The following LPA variants were observed in gnomAD, a reference collection of about 807,000 sequenced individuals.
LPA encodes lipoprotein(a), also known as apolipoprotein(a).
Under a neutral mutation model 197.9 loss-of-function variants are expected in LPA, and 199 were observed. The observed-to-expected ratio is 1.01, with a 90% CI of 0.90 to 1.13. The LOEUF (loss-of-function observed/expected upper bound fraction) is 1.13. LPA is among the 50% of genes most tolerant of loss of function. The pLI, the probability that LPA is intolerant of heterozygous loss-of-function variation, is 0.00. For synonymous variants in LPA, 715 were observed against 639.5 expected (o/e 1.12, Z -1.78); for missense variants, 1,853 against 1,785.8 (o/e 1.04, Z -0.68).
intron 37 of LPA, among the ~76,000 whole-genome samples, chr6:160,536,553 G>A (rs113757744): frequency 3.2e-4 from 49 of 152,262 alleles, no homozygotes; most frequent in African/African-American, 1.2e-3. Context: ...AGGAGCCAGG[G>A]TTCCAATTCA....
intron 20 of LPA, among the ~76,000 whole-genome samples, chr6:160,598,048 A>C (rs1286956651): frequency 6.6e-6 from 1 of 152,162 alleles, no homozygotes; most frequent in Admixed American, 6.5e-5. Flanking sequence ...TCTACTCATA[A>C]AGTCTGACTT....
At chr6:160,578,423 T>C in intron 27 of LPA, 100 bp downstream of exon 27, 2 of 1,483,496 alleles carry the variant, frequency 1.3e-6, no homozygotes, top group South Asian at 2.3e-5. Flanking sequence ...TTGCAGACCC[T>C]CAACCAACCC....
chr6:160,555,882 CA>C lies in LPA; in HGVS notation c.4973+142del, dbSNP rs760230920. Reference sequence around the variant, plus strand: ...TACCTATTCTCTCAGACTCTTTGATCAAAAGCAAAGTTGTCTGGACATTTTG... The same window carrying C: ...TACCTATTCTCTCAGACTCTTTGATCAAAGCAAAGTTGTCTGGACATTTTG... On this transcript the variant is annotated intron_variant, in intron 30 of 38. Coordinates refer to ENST00000316300, the MANE Select transcript of LPA (RefSeq NM_005577.4). The C allele has an allele frequency of 5.2e-4, 468 of 893,684 alleles. 1 individual carries two copies. Among genetic ancestry groups the C allele is most frequent in the Non-Finnish European group, 7.7e-4 (416 of 542,140 alleles). 55.4% of individuals were successfully genotyped at this position (893,684 alleles called of 1,614,324 possible).
In LPA at chr6:160,634,690, T is replaced by A. The variant is rs575444815; in HGVS notation, c.1075+433A>T. Among the ~76,000 whole-genome samples, 93 of 151,700 alleles carry A rather than the reference T, an allele frequency of 6.1e-4. 1 individual carries two copies. The highest frequency in any genetic ancestry group is 1.2e-3 in the Admixed American group (18 of 15,260). On this transcript the variant is annotated intron_variant, in intron 7 of 38. Transcript: ENST00000316300. Reference sequence around the variant, plus strand: ...ATGGAATTAATGCAGCCCTGTTAGGTTTCTCGAGGATGACAGGCTCCAGAG... The same window carrying A: ...ATGGAATTAATGCAGCCCTGTTAGGATTCTCGAGGATGACAGGCTCCAGAG...
chr6:160,597,340 T>A (rs1032064386), intron 20 of LPA, among the ~76,000 whole-genome samples: 6 of 152,214 alleles, frequency 3.9e-5, no homozygotes, highest in African/African-American at 9.6e-5. Context: ...TTTTCAATCA[T>A]ACATCACAAA....
rs142344792 is a variant in LPA at position 160,600,998 on chromosome 6, G to A, written c.3046C>T (p.Arg1016Ter). 8.7e-6 allele frequency: 14 copies of A among 1,613,880 alleles called. No individual in the cohort carries two copies. Among genetic ancestry groups the A allele is most frequent in the African/African-American group, 2.7e-5 (2 of 74,926 alleles). Residue 1016 changes from arginine to a stop codon, truncating the protein, a stop_gained, in exon 19 of 39, where the codon CGA becomes TGA. Transcript: ENST00000316300. LOFTEE classifies it high-confidence loss of function. The stretch of plus-strand genomic sequence containing the variant: ...GCAGTCCATTCTGCATCTGAGCATC[G>A]TGTCAGGTTGCAGTACTCCCACCTG... The part of the protein sequence containing the change: ...SVRWEYCNLT[R>*]CSDAEWTAFV...
Position 160,578,608 on chromosome 6 carries a change from C to T in LPA, c.4386G>A (p.Leu1462=), listed in dbSNP as rs1171462566. Residue 1462 remains leucine, a synonymous_variant, in exon 27 of 39, where the codon CTG becomes CTA. Transcript: ENST00000316300. ...TCGATTCTGTCACTGGACATCGTGTCAGGTTGCAGTACTCCCACCTGACAC... is the reference window on the plus strand; with the variant it reads ...TCGATTCTGTCACTGGACATCGTGTTAGGTTGCAGTACTCCCACCTGACAC... ...DPSVRWEYCN[L]TRCPVTESSV... 3.1e-6 allele frequency: 5 copies of T among 1,614,024 alleles called. No individual in the cohort carries two copies. The highest frequency in any genetic ancestry group is 1.3e-5 in the African/African-American group (1 of 75,040).
chr6:160,558,765 T>C (rs1778312418), intron 28 of LPA, among the ~76,000 whole-genome samples: 1 of 152,106 alleles, frequency 6.6e-6, no homozygotes, highest in South Asian at 2.1e-4. Flanking sequence ...GACCCTGGGG[T>C]GGAGGGATCT....
rs1778915721 is a variant in LPA at position 160,586,553 on chromosome 6, C to G, written c.4025G>C (p.Arg1342Thr). The change falls in exon 25 of 39, where the codon AGA (arginine) becomes ACA (threonine). Residue 1342 changes from arginine to threonine, a missense_variant. Arg to Thr is a moderately conservative substitution (Grantham distance 71). This residue lies in a region of LPA where 1,737 missense variants were observed against 1,504.4 expected (regional missense o/e 1.15). Transcript: ENST00000316300. ...TTGCGTCAGGTTGCAGTACTCCCAT[C>G]TGACACTGGGATCCATGGTATAACA... ...PWCYTMDPSV[R>T]WEYCNLTQCP... 6.2e-7 allele frequency: 1 copy of G among 1,613,708 alleles called. No individual in the cohort carries two copies. The highest frequency in any genetic ancestry group is 1.1e-5 in the South Asian group (1 of 91,086).
At position 160,577,308 on chromosome 6, in the gene LPA, T is replaced by C; in HGVS notation, c.4472-13A>G. ...TTCTCAGGTGGTGCTGAAATTAAAA[T>C]AAAATAAATCATACTCAGTAATTGC... On this transcript the variant is annotated splice_polypyrimidine_tract_variant and intron_variant, in intron 27 of 38. Transcript: ENST00000316300. 3 of 1,612,876 alleles carry C rather than the reference T, an allele frequency of 1.9e-6. No individual in the cohort carries two copies. Among genetic ancestry groups the C allele is most frequent in the Non-Finnish European group, 2.5e-6 (3 of 1,179,076 alleles).
intron 19 of LPA, among the ~76,000 whole-genome samples, chr6:160,599,876 A>T (rs1413185726): frequency 1.3e-5 from 2 of 152,220 alleles, no homozygotes; most frequent in Admixed American, 6.5e-5. Flanking sequence ...GAAATATTTC[A>T]TGTAAAACTT....
chr6:160,606,694 G>A (rs777482773), intron 16 of LPA, 36 bp from the exon 17 acceptor site: 12 of 1,611,420 alleles, frequency 7.4e-6, no homozygotes, highest in Non-Finnish European at 9.3e-6. Flanking sequence ...CACAAGAGGT[G>A]GGACAATATG....
intron 1 of LPA, among the ~76,000 whole-genome samples, chr6:160,654,058 A>ATATAT (rs1780079861): frequency 1.5e-4 from 1 of 6,528 alleles, no homozygotes; most frequent in Non-Finnish European, 3.2e-4. Context: ...ATAATATATT[A>ATATAT]TATATATTAT....
At chr6:160,601,921 C>A (rs1779249014) in intron 18 of LPA, among the ~76,000 whole-genome samples, 2 of 152,184 alleles carry the variant, frequency 1.3e-5, no homozygotes, top group Admixed American at 6.5e-5. Flanking sequence ...GACAGCTGGG[C>A]AGACTATGAG....
chr6:160,557,456 C>T lies in LPA; in HGVS notation c.4747G>A (p.Glu1583Lys), dbSNP rs759571414. Residue 1583 changes from glutamate (E) to lysine (K), a missense_variant, in exon 29 of 39, where the codon GAA becomes AAA. By Grantham distance (56) the Glu-to-Lys change is moderately conservative. Around this residue, in one of 3 missense-constraint regions of LPA, gnomAD observed 1,737 missense variants for 1,504.4 expected, o/e 1.15. Transcript: ENST00000316300. ...GTGGGAGTCTCTAGGACACCTGATT[C>T]TGTTTCTGAGCATTGTGTCAGATTG... ...YCNLTQCSETESGVLETPTVV... is the reference protein window; with the variant it reads ...YCNLTQCSETKSGVLETPTVV... 2 of 1,614,160 alleles carry T rather than the reference C, an allele frequency of 1.2e-6. No individual in the cohort carries two copies. Among genetic ancestry groups the T allele is most frequent in the South Asian group, 2.2e-5 (2 of 91,076 alleles).
Position 160,578,608 on chromosome 6 carries a change from C to G in LPA, c.4386G>C (p.Leu1462=). ...DPSVRWEYCN[L]TRCPVTESSV... ...TCGATTCTGTCACTGGACATCGTGT[C>G]AGGTTGCAGTACTCCCACCTGACAC... Residue 1462 remains leucine (L), a synonymous_variant, in exon 27 of 39, where the codon CTG becomes CTC. Coordinates refer to ENST00000316300, the MANE Select transcript of LPA (RefSeq NM_005577.4). 6.2e-7 allele frequency: 1 copy of G among 1,614,024 alleles called. No individual in the cohort carries two copies. Among genetic ancestry groups the G allele is most frequent in the Non-Finnish European group, 8.5e-7 (1 of 1,179,936 alleles).
chr6:160,593,394 G>A (rs113291096), intron 22 of LPA, among the ~76,000 whole-genome samples: 145 of 152,240 alleles, frequency 9.5e-4, no homozygotes, highest in African/African-American at 3.1e-3. Flanking sequence ...TCCTGCATGT[G>A]TAACTCTTCA....
rs546312253 is a variant in LPA, at chr6:160,547,040, A to G, written c.5304+749T>C. Among the ~76,000 whole-genome samples the G allele has an allele frequency of 3.9e-5, 6 of 152,254 alleles. No individual in the cohort carries two copies. The East Asian group carries it at 1.2e-3, about 29-fold the overall frequency. ...TTGGCACCAGAGACCAGTTTCATAA[A>G]AGGCAATTTTTCTGTGCACCTGGGG... On this transcript the variant is annotated intron_variant, in intron 32 of 38. Coordinates refer to ENST00000316300, the MANE Select transcript of LPA (RefSeq NM_005577.4).
At chr6:160,586,827 G>A (rs1778921285) in intron 24 of LPA, among the ~76,000 whole-genome samples, 197 bp from the exon 25 acceptor site, 1 of 152,148 alleles carries the variant, frequency 6.6e-6, no homozygotes, top group South Asian at 2.1e-4. Context: ...GATTCTTATT[G>A]TAACACATTC....
Sources: gnomAD v4.1 joint callset for allele counts (sites outside exome capture counted in the v4.1 genomes callset) on GRCh38, gnomAD v4.1.1 for gene constraint, gnomAD v4.1.1 regional missense constraint, MANE v1.5 for transcripts, NCBI Gene and HGNC (gene_info 2026-07-23, HGNC 2026-07-21) for gene names.